Variants in TMED3 observed in about 807,000 individuals in gnomAD.
TMED3 encodes the protein transmembrane emp24 domain-containing protein 3.
A neutral mutation model predicts 15.0 loss-of-function variants in TMED3; 9 were observed. The observed-to-expected ratio is 0.60, with a 90% CI of 0.36 to 1.04. The LOEUF is 1.04. Ranked by LOEUF, TMED3 falls within the 50% of genes least tolerant of loss-of-function variation. The probability of loss-of-function intolerance (pLI) is 0.01; values close to 1 mark genes in which losing one functional copy is unlikely to be tolerated. For synonymous variants in TMED3, 117 were observed against 121.4 expected (o/e 0.96, Z 0.24); for missense variants, 267 against 278.9 (o/e 0.96, Z 0.30).
chr15:79,364,306 T>G (rs1427457230), intron 2 of TMED3, among the ~76,000 whole-genome samples: 1 of 152,174 alleles, frequency 6.6e-6, no homozygotes, highest in East Asian at 1.9e-4. Context: ...AAGCCCCCTG[T>G]GCAAGTTCCC....
At chr15:79,320,498 G>A (rs911245553) in intron 2 of TMED3, among the ~76,000 whole-genome samples, 4 of 152,096 alleles carry the variant, frequency 2.6e-5, no homozygotes, top group African/African-American at 9.7e-5. Flanking sequence ...CCGCCCACAG[G>A]AAGGGAGGTC....
intron 2 of TMED3, among the ~76,000 whole-genome samples, chr15:79,405,093 A>G (rs1056580698): frequency 6.6e-6 from 1 of 152,238 alleles, no homozygotes; most frequent in African/African-American, 2.4e-5. Flanking sequence ...GACTTAGTGC[A>G]TCTGAAAAAT....
intron 2 of TMED3, among the ~76,000 whole-genome samples, chr15:79,409,419 C>G (rs999369747): frequency 8.5e-5 from 13 of 152,132 alleles, no homozygotes; most frequent in African/African-American, 2.9e-4. Context: ...GGCAGGGGAA[C>G]CAAGAGGTAA....
intron 2 of TMED3, among the ~76,000 whole-genome samples, chr15:79,374,678 G>T (rs981613955): frequency 2.6e-5 from 4 of 152,172 alleles, no homozygotes; most frequent in Admixed American, 2.6e-4. Flanking sequence ...CTGCCAAATT[G>T]TCTACCTGAT....
chr15:79,356,332 T>G lies in TMED3; in HGVS notation c.417+42327T>G, dbSNP rs376337623. Among the ~76,000 whole-genome samples the G allele has an allele frequency of 1.3e-4, 20 of 152,310 alleles. No homozygotes were observed. The East Asian group carries it at 3.3e-3, about 25-fold the overall frequency. ...AGGGTGGGGTTTGTGTCTGTTTTCT[T>G]TAGTGCTGTATCCTCAGAGTTTAGA... On this transcript the variant is annotated intron_variant, in intron 2 of 2. Coordinates refer to the TMED3 transcript ENST00000424155.
At chr15:79,361,936 A>G (rs2141240901) in intron 2 of TMED3, among the ~76,000 whole-genome samples, 1 of 152,244 alleles carries the variant, frequency 6.6e-6, no homozygotes, top group Admixed American at 6.5e-5. Flanking sequence ...TAAAAGATCT[A>G]ATTTATTATT....
chr15:79,348,876 A>G (rs6495399), intron 2 of TMED3, among the ~76,000 whole-genome samples: 14,260 of 152,254 alleles, frequency 0.094, 710 homozygotes, highest in Admixed American at 0.12. Flanking sequence ...CTGTCAGCCC[A>G]GCTGGAGTAC....
chr15:79,348,507 A>G (rs1452251181), intron 2 of TMED3, among the ~76,000 whole-genome samples: 1 of 152,236 alleles, frequency 6.6e-6, no homozygotes, highest in Non-Finnish European at 1.5e-5. Context: ...AAACAATGGT[A>G]TATTTCAACA....
chr15:79,385,788 G>A (rs1346289431), intron 2 of TMED3, among the ~76,000 whole-genome samples: 1 of 152,204 alleles, frequency 6.6e-6, no homozygotes, highest in Non-Finnish European at 1.5e-5. Context: ...TGGCACCTGG[G>A]GAGCTGAACC....
At chr15:79,396,941 C>A (rs1027200504) in intron 2 of TMED3, among the ~76,000 whole-genome samples, 2 of 152,104 alleles carry the variant, frequency 1.3e-5, no homozygotes, top group African/African-American at 2.4e-5. Flanking sequence ...TTCTATGCAG[C>A]CACTAGAAAA....
chr15:79,345,638 A>G (rs1197341480), intron 2 of TMED3, among the ~76,000 whole-genome samples: 1 of 152,170 alleles, frequency 6.6e-6, no homozygotes, highest in Non-Finnish European at 1.5e-5. Flanking sequence ...TTATAACGAA[A>G]CAATTTATAT....
At chr15:79,314,326 C>G (rs368804) in intron 2 of TMED3, among the ~76,000 whole-genome samples, 3 of 152,204 alleles carry the variant, frequency 2.0e-5, no homozygotes, top group Non-Finnish European at 4.4e-5. Flanking sequence ...TATGATGTGC[C>G]TGTATCATAA....
At chr15:79,375,790 G>C (rs565168869) in intron 2 of TMED3, among the ~76,000 whole-genome samples, 7 of 152,250 alleles carry the variant, frequency 4.6e-5, no homozygotes, top group South Asian at 2.1e-4. Context: ...CACCACTGGG[G>C]ATTACATTTC....
chr15:79,315,524 A>T lies in TMED3; in HGVS notation c.417+1519A>T, dbSNP rs138003120. Among the ~76,000 whole-genome samples the T allele has an allele frequency of 1.7e-3, 253 of 152,298 alleles. 1 individual carries two copies. Among genetic ancestry groups the T allele is most frequent in the African/African-American group, 5.7e-3 (238 of 41,570 alleles). ...TTGGGAAGATTCTGTAAGTCTCCAA[A>T]AGCTGAGCTGAAGAACTTCCCCCTT... On this transcript the variant is annotated intron_variant, in intron 2 of 2. Coordinates refer to ENST00000299705, the MANE Select transcript of TMED3 (RefSeq NM_007364.4).
chr15:79,360,145 T>C (rs1490379408), intron 2 of TMED3, among the ~76,000 whole-genome samples: 1 of 152,198 alleles, frequency 6.6e-6, no homozygotes, highest in Non-Finnish European at 1.5e-5. Flanking sequence ...AGCCATGGGA[T>C]CCGAGAACAA....
At chr15:79,377,478 A>C (rs553382160) in intron 2 of TMED3, among the ~76,000 whole-genome samples, 2 of 152,174 alleles carry the variant, frequency 1.3e-5, no homozygotes, top group African/African-American at 2.4e-5. Context: ...CTCTAACTTC[A>C]GATACAGATC....
At chr15:79,357,105 C>T (rs2058922295) in intron 2 of TMED3, among the ~76,000 whole-genome samples, 1 of 152,004 alleles carries the variant, frequency 6.6e-6, no homozygotes, top group African/African-American at 2.4e-5. Context: ...TGTGTATGAG[C>T]ATTTGAAAAG....
intron 2 of TMED3, among the ~76,000 whole-genome samples, chr15:79,366,815 T>C (rs577790876): frequency 6.6e-6 from 1 of 152,336 alleles, no homozygotes; most frequent in South Asian, 2.1e-4. Flanking sequence ...GCTGTGTGAC[T>C]TTGAGGAAGG....
At chr15:79,375,685 A>G (rs1330176230) in intron 2 of TMED3, among the ~76,000 whole-genome samples, 3 of 152,062 alleles carry the variant, frequency 2.0e-5, no homozygotes, top group Non-Finnish European at 4.4e-5. Flanking sequence ...CTCACTTACT[A>G]TCGTAAGGAC....
Sources: allele counts gnomAD v4.1 joint callset (sites outside exome capture counted in the v4.1 genomes callset), GRCh38; gene constraint gnomAD v4.1.1; transcripts MANE v1.5; gene names NCBI Gene and HGNC (gene_info 2026-07-23, HGNC 2026-07-21).